Variants in CD226 observed in about 807,000 individuals in gnomAD.
CD226 encodes CD226 antigen.
In CD226, 24 loss-of-function variants were observed where a neutral mutation model predicts 34.9. The ratio of observed to expected loss-of-function variants is 0.69; its 90% CI spans 0.50 to 0.97. The LOEUF (loss-of-function observed/expected upper bound fraction) is 0.97. Ranked by LOEUF, CD226 falls within the 50% of genes least tolerant of loss-of-function variation. The pLI, the probability that CD226 is intolerant of heterozygous loss-of-function variation, is 0.00. For missense variants in CD226, 397 were observed against 412.7 expected, an observed-to-expected ratio of 0.96 and a Z score of 0.33; for synonymous variants, 148 against 147.4, an observed-to-expected ratio of 1.00 and a Z score of -0.03.
intron 2 of CD226, among the ~76,000 whole-genome samples, chr18:69,909,727 G>A (rs1363466932): frequency 6.6e-6 from 1 of 152,170 alleles, no homozygotes; most frequent in Non-Finnish European, 1.5e-5. Context: ...GGAATTAAAG[G>A]AGATAATAAT....
chr18:69,938,276 T>A (rs931746524), intron 2 of CD226, among the ~76,000 whole-genome samples: 13 of 152,196 alleles, frequency 8.5e-5, no homozygotes, highest in African/African-American at 3.1e-4. Flanking sequence ...ATAATTCACC[T>A]GTTCACTTTC....
intron 2 of CD226, among the ~76,000 whole-genome samples, chr18:69,910,725 T>C (rs113053314): frequency 7.2e-5 from 11 of 152,332 alleles, no homozygotes; most frequent in Non-Finnish European, 1.6e-4. Context: ...TAATGTGAGA[T>C]GTTAACAATG....
chr18:69,932,053 A>T (rs11659873), intron 2 of CD226, among the ~76,000 whole-genome samples: 2 of 152,068 alleles, frequency 1.3e-5, no homozygotes, highest in South Asian at 2.1e-4. Context: ...ATATTGGATT[A>T]GATCCCACCC....
intron 2 of CD226, among the ~76,000 whole-genome samples, chr18:69,920,038 A>AT (rs1033426607): frequency 1.3e-4 from 19 of 151,776 alleles, no homozygotes; most frequent in Admixed American, 3.3e-4. Flanking sequence ...TAATTTTTAT[A>AT]TTTTTTTGTA....
Position 69,855,397 on chromosome 18 carries a change from C to T in CD226, c.*8917G>A, listed in dbSNP as rs1211473862. 1 of 152,138 alleles carries T rather than the reference C, an allele frequency of 6.6e-6. No homozygotes were observed. Among genetic ancestry groups the T allele is most frequent in the Non-Finnish European group, 1.5e-5 (1 of 68,022 alleles). 9.4% of individuals were successfully genotyped at this position (152,138 alleles called of 1,614,324 possible). On this transcript the variant is annotated 3_prime_UTR_variant, in exon 6 of 6. Transcript: ENST00000582621. ...TATCTTTGATGCAATTATCAGTTGA[C>T]TTGGAACCCCGAAGGAAGAATGAAT... is the stretch of plus-strand genomic sequence containing the variant.
chr18:69,952,151 T>C (rs1017089951), upstream of CD226, among the ~76,000 whole-genome samples: 6 of 152,192 alleles, frequency 3.9e-5, no homozygotes, highest in Non-Finnish European at 7.3e-5. Flanking sequence ...GAAGCCATTA[T>C]ATTAAATGAA....
chr18:69,914,766 C>T (rs1251865654), intron 2 of CD226, among the ~76,000 whole-genome samples: 1 of 152,056 alleles, frequency 6.6e-6, no homozygotes, highest in African/African-American at 2.4e-5. Flanking sequence ...AAATTCTGAG[C>T]CAAATCTCAA....
chr18:69,865,078 C>A (rs969509133), intron 5 of CD226, among the ~76,000 whole-genome samples: 1 of 152,082 alleles, frequency 6.6e-6, no homozygotes, highest in Admixed American at 6.6e-5. Context: ...CTGCAACCCC[C>A]ACCTCCCAGG....
chr18:69,886,710 AAAAAAT>A (rs1295445999), intron 3 of CD226, among the ~76,000 whole-genome samples: 3 of 152,052 alleles, frequency 2.0e-5, no homozygotes, highest in Admixed American at 6.5e-5. Flanking sequence ...TGTCTCAAAA[AAAAAAT>A]AAAAATAAAA....
intron 2 of CD226, among the ~76,000 whole-genome samples, chr18:69,937,929 T>C (rs767760146): frequency 3.5e-4 from 53 of 152,140 alleles, no homozygotes; most frequent in Non-Finnish European, 6.3e-4. Flanking sequence ...AGCAGATATA[T>C]ACAAGAATGA....
intron 2 of CD226, among the ~76,000 whole-genome samples, chr18:69,941,631 TG>T (rs1385687196): frequency 3.9e-5 from 6 of 152,246 alleles, no homozygotes; most frequent in Non-Finnish European, 8.8e-5. Flanking sequence ...ATCCAATGCC[TG>T]TACCCCTCTT....
intron 2 of CD226, among the ~76,000 whole-genome samples, chr18:69,940,992 C>T (rs555098054): frequency 1.2e-4 from 19 of 152,312 alleles, no homozygotes; most frequent in Non-Finnish European, 2.4e-4. Context: ...GTCCCAGCCA[C>T]GGCTAAAAGG....
At chr18:69,928,940 G>A (rs1183437970) in intron 2 of CD226, among the ~76,000 whole-genome samples, 1 of 152,228 alleles carries the variant, frequency 6.6e-6, no homozygotes, top group African/African-American at 2.4e-5. Context: ...GACTTTGGAA[G>A]GTATGCAGGG....
At chr18:69,956,373 AT>A (rs1046298201) in intron 1 of CD226, among the ~76,000 whole-genome samples, 51 of 152,274 alleles carry the variant, frequency 3.3e-4, no homozygotes, top group African/African-American at 1.0e-3. Flanking sequence ...GATCATGGAC[AT>A]TTATTATTTA....
At position 69,855,763 on chromosome 18, in the gene CD226, G is replaced by A. The variant is rs1982593775; in HGVS notation, c.*8551C>T. The A allele has an allele frequency of 6.6e-6, 1 of 151,926 alleles. No individual in the cohort carries two copies. Among genetic ancestry groups the A allele is most frequent in the Non-Finnish European group, 1.5e-5 (1 of 67,954 alleles). 9.4% of individuals were successfully genotyped at this position (151,926 alleles called of 1,614,324 possible). ...AAGGAGGATAAAAAAGAAAGAACGAGTGCAAGGATAGAAAAGTTACAAACA... is the reference window on the plus strand; with the variant it reads ...AAGGAGGATAAAAAAGAAAGAACGAATGCAAGGATAGAAAAGTTACAAACA... On this transcript the variant is annotated 3_prime_UTR_variant, in exon 6 of 6. Coordinates refer to ENST00000582621, the MANE Select transcript of CD226 (RefSeq NM_001303618.2).
At chr18:69,878,448 A>G (rs1439166539) in intron 3 of CD226, among the ~76,000 whole-genome samples, 1 of 152,112 alleles carries the variant, frequency 6.6e-6, no homozygotes, top group East Asian at 1.9e-4. Flanking sequence ...AAGGCTCATG[A>G]TAGAAATATT....
chr18:69,960,239 TAAAAA>T (rs552196121), upstream of CD226, among the ~76,000 whole-genome samples: 14 of 126,668 alleles, frequency 1.1e-4, no homozygotes, highest in East Asian at 3.1e-3. Context: ...GACTCCATCT[TAAAAA>T]AAAAAAAAAG....
rs1279212367 is a variant in CD226, at chr18:69,856,571, GA to G, written c.*7742del. The G allele has an allele frequency of 6.6e-6, 1 of 151,884 alleles. No individual in the cohort carries two copies. Among genetic ancestry groups the G allele is most frequent in the African/African-American group, 2.4e-5 (1 of 41,362 alleles). The allele number at this position is 151,884 out of a possible 1,614,324, so 9.4% of individuals were successfully genotyped here. ...ATATTCTGGGCCATAAAATACACCT[GA>G]AAAATTTAAAAGAATAGAAATTATA... On this transcript the variant is annotated 3_prime_UTR_variant, in exon 6 of 6. Coordinates refer to ENST00000582621, the MANE Select transcript of CD226 (RefSeq NM_001303618.2).
At chr18:69,901,665 G>A (rs1416242259) in intron 2 of CD226, among the ~76,000 whole-genome samples, 2 of 152,110 alleles carry the variant, frequency 1.3e-5, no homozygotes, top group Admixed American at 6.5e-5. Flanking sequence ...AGATCACGAG[G>A]TCAGGAGATC....
Sources: gnomAD v4.1 joint callset for allele counts (sites outside exome capture counted in the v4.1 genomes callset) on GRCh38, gnomAD v4.1.1 for gene constraint, MANE v1.5 for transcripts, NCBI Gene and HGNC (gene_info 2026-07-23, HGNC 2026-07-21) for gene names.